The following KCNK1 variants were observed in gnomAD, a reference collection of about 807,000 sequenced individuals.
The protein encoded by KCNK1 is potassium two pore domain channel subfamily K member 1.
Under a neutral mutation model 22.2 loss-of-function variants are expected in KCNK1, and 10 were observed. The ratio of observed to expected loss-of-function variants is 0.45; its 90% CI spans 0.28 to 0.76. The LOEUF (loss-of-function observed/expected upper bound fraction) is 0.76, where lower values mean the gene tolerates loss of function less well. KCNK1 is among the 30% of genes least tolerant of loss of function. The probability of loss-of-function intolerance (pLI) is 0.14; values close to 1 mark genes in which losing one functional copy is unlikely to be tolerated. For missense variants in KCNK1, 378 were observed against 421.0 expected, an observed-to-expected ratio of 0.90 and a Z score of 0.89; for synonymous variants, 200 against 186.4, an observed-to-expected ratio of 1.07 and a Z score of -0.60.
At chr1:233,647,564 G>A (rs1447071005) in intron 1 of KCNK1, among the ~76,000 whole-genome samples, 2 of 152,030 alleles carry the variant, frequency 1.3e-5, no homozygotes, top group East Asian at 1.9e-4. Context: ...TTCAGTCCTC[G>A]GTGCTCTCCT....
intron 1 of KCNK1, chr1:233,624,076 T>C (rs1043748983): frequency 3.9e-5 from 6 of 153,812 alleles, no homozygotes; most frequent in Non-Finnish European, 8.8e-5. Context: ...TCTCTTGTTA[T>C]GTGGGGGGCT....
chr1:233,645,464 A>T (rs1024726671), intron 1 of KCNK1, among the ~76,000 whole-genome samples: 3 of 152,132 alleles, frequency 2.0e-5, no homozygotes, highest in Non-Finnish European at 4.4e-5. Flanking sequence ...ACAGAGGGGG[A>T]AGGCATGTGG....
intron 1 of KCNK1, among the ~76,000 whole-genome samples, chr1:233,661,414 G>C (rs912209037): frequency 1.3e-5 from 2 of 152,150 alleles, no homozygotes; most frequent in African/African-American, 4.8e-5. Context: ...GTCTTTGCTT[G>C]TTAGCAAGAA....
intron 1 of KCNK1, among the ~76,000 whole-genome samples, chr1:233,635,627 C>T (rs1238420669): frequency 1.3e-5 from 2 of 151,938 alleles, no homozygotes; most frequent in Admixed American, 1.3e-4. Flanking sequence ...TATGAATTTG[C>T]TTTTGCCGAA....
At chr1:233,661,086 A>G (rs757369090) in intron 1 of KCNK1, among the ~76,000 whole-genome samples, 1 of 152,200 alleles carries the variant, frequency 6.6e-6, no homozygotes, top group Non-Finnish European at 1.5e-5. Context: ...ACATATGGCA[A>G]GCAGCTAGGT....
chr1:233,634,415 GT>G (rs1435673087), intron 1 of KCNK1, among the ~76,000 whole-genome samples: 4 of 152,070 alleles, frequency 2.6e-5, no homozygotes, highest in African/African-American at 7.2e-5. Context: ...TAGTTAAAAT[GT>G]TTATGTGCGG....
At chr1:233,635,943 T>C (rs1176727259) in intron 1 of KCNK1, among the ~76,000 whole-genome samples, 2 of 152,250 alleles carry the variant, frequency 1.3e-5, no homozygotes, top group Non-Finnish European at 2.9e-5. Context: ...GGTAGGCTTC[T>C]CTGAGTAGGC....
intron 1 of KCNK1, among the ~76,000 whole-genome samples, chr1:233,642,912 G>A (rs945328323): frequency 6.6e-6 from 1 of 151,482 alleles, no homozygotes; most frequent in Admixed American, 6.6e-5. Context: ...GGGACTACAG[G>A]CATGCGCCAC....
At chr1:233,669,750 C>T (rs1395599501) in intron 2 of KCNK1, among the ~76,000 whole-genome samples, 2 of 152,100 alleles carry the variant, frequency 1.3e-5, no homozygotes, top group South Asian at 2.1e-4. Flanking sequence ...AAGCCAACAT[C>T]ATGCCACTGT....
At chr1:233,629,681 C>A (rs1439317448) in intron 1 of KCNK1, 2 of 152,186 alleles carry the variant, frequency 1.3e-5, no homozygotes, top group Non-Finnish European at 2.9e-5. Context: ...CTAGCTTTCT[C>A]AGTCATTCAA....
At chr1:233,650,851 A>G (rs138175267) in intron 1 of KCNK1, among the ~76,000 whole-genome samples, 1 of 151,628 alleles carries the variant, frequency 6.6e-6, no homozygotes, top group African/African-American at 2.4e-5. Flanking sequence ...CCTCCAAAAG[A>G]TACAGAGATT....
chr1:233,639,353 C>G (rs1022043464), intron 1 of KCNK1, among the ~76,000 whole-genome samples: 69 of 152,314 alleles, frequency 4.5e-4, no homozygotes, highest in African/African-American at 1.6e-3. Flanking sequence ...GAATCTGCAA[C>G]ATTTCAAATA....
At chr1:233,642,974 G>A (rs1658027908) in intron 1 of KCNK1, among the ~76,000 whole-genome samples, 1 of 151,132 alleles carries the variant, frequency 6.6e-6, no homozygotes, top group African/African-American at 2.4e-5. Context: ...TAGAGATGGG[G>A]TTTCACCGTG....
chr1:233,630,124 G>A (rs775864726), intron 1 of KCNK1, among the ~76,000 whole-genome samples: 7 of 152,134 alleles, frequency 4.6e-5, no homozygotes, highest in Non-Finnish European at 7.4e-5. Context: ...GGATTCAGCC[G>A]TAAAATGATG....
At position 233,614,144 on chromosome 1, in the gene KCNK1, G is replaced by GTTAGCCTTGGCT. The variant is rs1553262916; in HGVS notation, c.-26_-25insAGCCTTGGCTTT. On this transcript the variant is annotated 5_prime_UTR_variant, in exon 1 of 3. Coordinates refer to ENST00000366621, the MANE Select transcript of KCNK1 (RefSeq NM_002245.4). ...GGCCGCGCTCCGGCCGGTCTGCGGC[G>GTTAGCCTTGGCT]TTGGCCTTGGCGGCGGCGGTGGAGA... is the stretch of plus-strand genomic sequence containing the variant. 76 of 1,253,608 alleles carry GTTAGCCTTGGCT rather than the reference G, an allele frequency of 6.1e-5. 2 individuals carry two copies. The South Asian group carries it at 1.1e-3, about 19-fold the overall frequency. The allele number at this position is 1,253,608 out of a possible 1,614,324, so 77.7% of individuals were successfully genotyped here.
At chr1:233,619,674 A>G (rs184951504) in intron 1 of KCNK1, among the ~76,000 whole-genome samples, 2 of 152,072 alleles carry the variant, frequency 1.3e-5, no homozygotes, top group Admixed American at 6.5e-5. Context: ...CACTTTGGGA[A>G]GCCGAGGCAG....
intron 1 of KCNK1, among the ~76,000 whole-genome samples, chr1:233,661,703 A>G (rs1658395631): frequency 6.6e-6 from 1 of 152,220 alleles, no homozygotes; most frequent in Non-Finnish European, 1.5e-5. Flanking sequence ...CGGAAGATGT[A>G]CATTCCTTGT....
chr1:233,649,110 G>A (rs752983679), intron 1 of KCNK1, among the ~76,000 whole-genome samples: 18 of 152,174 alleles, frequency 1.2e-4, no homozygotes, highest in Non-Finnish European at 2.1e-4. Context: ...CTTAGGAGGA[G>A]TAAAAAGGTG....
At chr1:233,670,374 A>G (rs1052469494) in intron 2 of KCNK1, among the ~76,000 whole-genome samples, 1 of 152,340 alleles carries the variant, frequency 6.6e-6, no homozygotes, top group East Asian at 1.9e-4. Context: ...TAATATCAAC[A>G]TACATTCTTA....
Sources: gnomAD v4.1 joint callset for allele counts (sites outside exome capture counted in the v4.1 genomes callset) on GRCh38, gnomAD v4.1.1 for gene constraint, MANE v1.5 for transcripts, NCBI Gene and HGNC (gene_info 2026-07-23, HGNC 2026-07-21) for gene names.